The following PLCG2 variants were observed in gnomAD, a reference collection of about 807,000 sequenced individuals.
The protein encoded by PLCG2 is 1-phosphatidylinositol 4,5-bisphosphate phosphodiesterase gamma-2.
In PLCG2, 69 loss-of-function variants were observed where a neutral mutation model predicts 175.6. The observed-to-expected ratio is 0.39, with a 90% CI of 0.32 to 0.48. The LOEUF (loss-of-function observed/expected upper bound fraction) is 0.48. Ranked by LOEUF, PLCG2 falls within the 20% of genes least tolerant of loss-of-function variation. The pLI, the probability that PLCG2 is intolerant of heterozygous loss-of-function variation, is 0.91. For missense variants in PLCG2, 1,798 were observed against 1,650.9 expected, an observed-to-expected ratio of 1.09 and a Z score of -1.54; for synonymous variants, 827 against 624.0, an observed-to-expected ratio of 1.33 and a Z score of -4.85.
intron 9 of PLCG2, among the ~76,000 whole-genome samples, chr16:81,885,052 A>C (rs1329327333): frequency 2.4e-5 from 2 of 82,678 alleles, no homozygotes; most frequent in African/African-American, 9.1e-5. Flanking sequence ...CATGCCTGAC[A>C]ATTTTTTTTT....
chr16:81,790,489 G>T (rs567763563), intron 2 of PLCG2, among the ~76,000 whole-genome samples: 2 of 152,174 alleles, frequency 1.3e-5, no homozygotes, highest in Non-Finnish European at 2.9e-5. Flanking sequence ...CAGTGTCACC[G>T]CTCAGTCTCC....
At chr16:81,767,589 T>TA (rs1363660321) in intron 2 of PLCG2, 12 of 152,222 alleles carry the variant, frequency 7.9e-5, no homozygotes, top group African/African-American at 1.2e-4. Context: ...TTTTTTTCTT[T>TA]AAAAAATATT....
intron 2 of PLCG2, among the ~76,000 whole-genome samples, chr16:81,830,862 A>G (rs571862863): frequency 1.3e-5 from 2 of 152,132 alleles, no homozygotes; most frequent in South Asian, 4.2e-4. Context: ...ATGCAAGTGC[A>G]GAGACAGCGT....
At chr16:81,909,341 G>C (rs78762417) in intron 17 of PLCG2, among the ~76,000 whole-genome samples, 2 of 152,218 alleles carry the variant, frequency 1.3e-5, no homozygotes, top group African/African-American at 4.8e-5. Context: ...GGAAGGCTCT[G>C]ATGCCCTGAC....
intron 1 of PLCG2, chr16:81,783,090 A>T (rs936985012): frequency 2.1e-6 from 1 of 474,742 alleles, no homozygotes; most frequent in East Asian, 6.0e-5. Context: ...GAGGGCTGGA[A>T]AGAACTGAGG....
At chr16:81,870,090 C>G (rs924927428) in intron 6 of PLCG2, among the ~76,000 whole-genome samples, 7 of 152,182 alleles carry the variant, frequency 4.6e-5, no homozygotes, top group Non-Finnish European at 8.8e-5. Flanking sequence ...CATCCTTTGA[C>G]CTGCCCCCAA....
At chr16:81,956,041 G>A (rs920071989) in intron 31 of PLCG2, among the ~76,000 whole-genome samples, 5 of 152,044 alleles carry the variant, frequency 3.3e-5, no homozygotes, top group Admixed American at 6.5e-5. Context: ...GAAACCTCAC[G>A]CTCATTAGCT....
At chr16:81,826,632 C>T (rs1443728689) in intron 2 of PLCG2, among the ~76,000 whole-genome samples, 1 of 152,206 alleles carries the variant, frequency 6.6e-6, no homozygotes, top group Non-Finnish European at 1.5e-5. Context: ...ATGGTGATAG[C>T]AGCAGCCACT....
At chr16:81,897,598 T>G (rs1388180951) in intron 13 of PLCG2, among the ~76,000 whole-genome samples, 1 of 146,600 alleles carries the variant, frequency 6.8e-6, no homozygotes, top group Non-Finnish European at 1.5e-5. Flanking sequence ...CAGGCTAGAG[T>G]GCAATGGCAG....
chr16:81,742,272 G>A (rs998738280), intron 1 of PLCG2, among the ~76,000 whole-genome samples: 7 of 152,090 alleles, frequency 4.6e-5, no homozygotes, highest in Admixed American at 2.6e-4. Flanking sequence ...TAGGGGTTAG[G>A]TCTCATTCAT....
Position 81,939,961 on chromosome 16 carries a change from A to G in PLCG2, c.3383A>G (p.Asn1128Ser). The G allele has an allele frequency of 1.2e-6, 2 of 1,613,952 alleles. No individual in the cohort carries two copies. The highest frequency in any genetic ancestry group is 1.7e-6 in the Non-Finnish European group (2 of 1,179,852). ...GTGACATTTGAAATTTATGACCCAA[A>G]CCTGGCATTTCTGCGCTTTGTGGTT... ...EKVTFEIYDP[N>S]LAFLRFVVYE... The change falls in exon 30 of 33, where the codon AAC becomes AGC. Residue 1128 changes from asparagine to serine, a missense_variant. Asn to Ser is a conservative substitution (Grantham distance 46). Transcript: ENST00000564138.
At chr16:81,775,054 T>C (rs1013737120), upstream of PLCG2, among the ~76,000 whole-genome samples, 6 of 152,154 alleles carry the variant, frequency 3.9e-5, no homozygotes, top group African/African-American at 1.4e-4. Context: ...TCCACAGATA[T>C]TTTTCAAAAC....
At chr16:81,848,968 AAG>A (rs1906262061) in intron 2 of PLCG2, among the ~76,000 whole-genome samples, 1 of 152,188 alleles carries the variant, frequency 6.6e-6, no homozygotes, top group Admixed American at 6.5e-5. Context: ...TAACCAGACT[AAG>A]AACATTTTCA....
At chr16:81,813,547 A>G (rs1191755820) in intron 2 of PLCG2, among the ~76,000 whole-genome samples, 2 of 152,186 alleles carry the variant, frequency 1.3e-5, no homozygotes, top group African/African-American at 2.4e-5. Context: ...GAAATTGCTT[A>G]TCAGCTGAAG....
intron 2 of PLCG2, among the ~76,000 whole-genome samples, chr16:81,822,199 T>C (rs1003469370): frequency 1.4e-4 from 22 of 152,138 alleles, no homozygotes; most frequent in Admixed American, 9.2e-4. Flanking sequence ...GATTTGGCTT[T>C]CCTGGGAAGA....
At chr16:81,894,841 C>T (rs1238543130) in intron 12 of PLCG2, among the ~76,000 whole-genome samples, 2 of 151,750 alleles carry the variant, frequency 1.3e-5, no homozygotes, top group African/African-American at 4.8e-5. Context: ...CCGCTGCACG[C>T]CAGCCTGGGC....
At chr16:81,883,041 C>T (rs1323563837) in intron 8 of PLCG2, among the ~76,000 whole-genome samples, 1 of 152,234 alleles carries the variant, frequency 6.6e-6, no homozygotes, top group East Asian at 1.9e-4. Context: ...ATGTAGACAC[C>T]AGGGCCTGCC....
rs193126240 is a variant in PLCG2, at chr16:81,944,340, T to C, written c.3482-1835T>C. Among the ~76,000 whole-genome samples, 266 of 152,290 alleles carry C rather than the reference T, an allele frequency of 1.7e-3. 1 individual carries two copies. Among genetic ancestry groups the C allele is most frequent in the African/African-American group, 6.1e-3 (253 of 41,524 alleles). ...TATGTATCGAACATATGCAGACTTT[T>C]TTCTTATTCCTTAATACAGTATAAC... is the stretch of plus-strand genomic sequence containing the variant. On this transcript the variant is annotated intron_variant, in intron 30 of 32. Transcript: ENST00000564138.
chr16:81,879,813 G>A lies in PLCG2; in HGVS notation c.649-1097G>A, dbSNP rs145536584. ...GGTGCAAGTAGAAGCTGGAGGGAGG[G>A]GTGCTCCATGGCGCCCCCCTTGGTG... On this transcript the variant is annotated intron_variant, in intron 7 of 32. Transcript: ENST00000564138. 1.3e-3 allele frequency among the ~76,000 whole-genome samples: 192 copies of A among 152,236 alleles called. 2 individuals carry two copies. The highest frequency in any genetic ancestry group is 4.5e-3 in the African/African-American group (186 of 41,542).
Sources: gnomAD v4.1 joint callset for allele counts (sites outside exome capture counted in the v4.1 genomes callset) on GRCh38, gnomAD v4.1.1 for gene constraint, MANE v1.5 for transcripts, NCBI Gene and HGNC (gene_info 2026-07-23, HGNC 2026-07-21) for gene names.